CCSER1: variants seen among roughly 807,000 people sequenced by gnomAD.
CCSER1 encodes serine-rich coiled-coil domain-containing protein 1.
Under a neutral mutation model 82.0 loss-of-function variants are expected in CCSER1, and 41 were observed. The ratio of observed to expected loss-of-function variants is 0.50; its 90% confidence interval spans 0.39 to 0.65. The LOEUF is 0.65. Ranked by LOEUF, CCSER1 falls within the 30% of genes least tolerant of loss-of-function variation. The pLI is 0.00. For missense variants in CCSER1, 1,119 were observed against 1,064.2 expected (o/e 1.05, Z -0.72); for synonymous variants, 414 against 383.9 (o/e 1.08, Z -0.92).
intron 10 of CCSER1, among the ~76,000 whole-genome samples, chr4:91,352,806 C>T (rs1174206132): frequency 1.3e-5 from 2 of 152,218 alleles, no homozygotes; most frequent in East Asian, 1.9e-4. Flanking sequence ...GTGCCAAACA[C>T]TCTTCTGGCC....
chr4:90,250,364 AT>A, intron 1 of CCSER1, among the ~76,000 whole-genome samples: 1 of 152,058 alleles, frequency 6.6e-6, no homozygotes. Flanking sequence ...TAGCACTTAC[AT>A]TTGGGCTTAA....
intron 1 of CCSER1, among the ~76,000 whole-genome samples, chr4:90,267,950 A>G (rs1287432412): frequency 6.6e-6 from 1 of 152,232 alleles, no homozygotes; most frequent in Non-Finnish European, 1.5e-5. Flanking sequence ...ATCTGTCAGT[A>G]GACGCTTCCA....
At chr4:90,185,326 T>C (rs1734423861) in intron 1 of CCSER1, among the ~76,000 whole-genome samples, 1 of 152,048 alleles carries the variant, frequency 6.6e-6, no homozygotes, top group African/African-American at 2.4e-5. Context: ...ATAAAAGTTG[T>C]CATCACTCAT....
At chr4:90,959,733 G>A (rs1210586143) in intron 9 of CCSER1, among the ~76,000 whole-genome samples, 17 of 126,028 alleles carry the variant, frequency 1.3e-4, no homozygotes, top group African/African-American at 4.0e-4. Flanking sequence ...GTTCTGCCTC[G>A]GGTTTTCTTT....
intron 10 of CCSER1, among the ~76,000 whole-genome samples, chr4:91,330,496 T>C (rs939105963): frequency 3.1e-5 from 2 of 64,044 alleles, no homozygotes; most frequent in African/African-American, 1.9e-4. Flanking sequence ...TAATTTCTCT[T>C]ATTACCCCTC....
chr4:91,159,537 G>T (rs892169331), intron 10 of CCSER1, among the ~76,000 whole-genome samples: 2 of 151,822 alleles, frequency 1.3e-5, no homozygotes, highest in Non-Finnish European at 2.9e-5. Flanking sequence ...TATACATTAG[G>T]TATTATTGGA....
intron 10 of CCSER1, among the ~76,000 whole-genome samples, chr4:91,373,756 G>A (rs1186246355): frequency 1.3e-5 from 2 of 152,094 alleles, no homozygotes; most frequent in Admixed American, 6.6e-5. Flanking sequence ...AGTGAAGAAG[G>A]CACGTCAAAA....
chr4:90,244,664 T>C (rs890467301), intron 1 of CCSER1, among the ~76,000 whole-genome samples: 3 of 152,088 alleles, frequency 2.0e-5, no homozygotes, highest in Non-Finnish European at 2.9e-5. Context: ...AGCTGCCATT[T>C]ATAAAACCAT....
chr4:91,346,569 C>T (rs566622735), intron 10 of CCSER1, among the ~76,000 whole-genome samples: 2 of 152,248 alleles, frequency 1.3e-5, no homozygotes, highest in African/African-American at 4.8e-5. Flanking sequence ...GCAAAACTGT[C>T]TTCCAAAGTG....
chr4:90,992,137 A>G (rs999286597), intron 9 of CCSER1, among the ~76,000 whole-genome samples: 1 of 152,066 alleles, frequency 6.6e-6, no homozygotes, highest in Non-Finnish European at 1.5e-5. Flanking sequence ...GCAATCTATG[A>G]TAAAATTCTG....
intron 10 of CCSER1, among the ~76,000 whole-genome samples, chr4:91,491,494 T>A (rs1758539700): frequency 6.6e-6 from 1 of 151,958 alleles, no homozygotes; most frequent in African/African-American, 2.4e-5. Flanking sequence ...TGAAGAAAAA[T>A]TTACATGTAA....
intron 6 of CCSER1, among the ~76,000 whole-genome samples, chr4:90,657,608 C>T (rs149766369): frequency 2.2e-4 from 34 of 152,010 alleles, no homozygotes; most frequent in Admixed American, 1.9e-3. Flanking sequence ...TTTATCTGAC[C>T]TTCATTATGC....
At chr4:91,446,292 T>C (rs1293822052) in intron 10 of CCSER1, among the ~76,000 whole-genome samples, 1 of 152,120 alleles carries the variant, frequency 6.6e-6, no homozygotes, top group African/African-American at 2.4e-5. Context: ...ACATTGGTTA[T>C]AAGAAAACAA....
chr4:91,443,546 C>G (rs1755347215), intron 10 of CCSER1, among the ~76,000 whole-genome samples: 1 of 150,198 alleles, frequency 6.7e-6, no homozygotes, highest in African/African-American at 2.4e-5. Context: ...GGAGATATAC[C>G]TAATGCTAAA....
intron 5 of CCSER1, among the ~76,000 whole-genome samples, chr4:90,624,952 A>T (rs994579157): frequency 2.6e-5 from 4 of 152,188 alleles, no homozygotes; most frequent in African/African-American, 9.6e-5. Flanking sequence ...TGTTTGGAGT[A>T]GTTATGGTGA....
At chr4:91,150,402 A>G (rs1018841097) in intron 10 of CCSER1, among the ~76,000 whole-genome samples, 2 of 152,180 alleles carry the variant, frequency 1.3e-5, no homozygotes, top group South Asian at 2.1e-4. Context: ...GGTTTTCTAA[A>G]TATACAATCA....
At chr4:91,067,491 C>A (rs1379632566) in intron 9 of CCSER1, among the ~76,000 whole-genome samples, 2 of 151,946 alleles carry the variant, frequency 1.3e-5, no homozygotes, top group African/African-American at 4.8e-5. Context: ...GACTACAGGC[C>A]TGCCCTACCA....
chr4:91,135,653 C>A (rs1052878941), intron 10 of CCSER1, among the ~76,000 whole-genome samples: 3 of 152,066 alleles, frequency 2.0e-5, no homozygotes, highest in Non-Finnish European at 4.4e-5. Flanking sequence ...GACACCTACA[C>A]ATGCACACAC....
In CCSER1 at chr4:91,458,243, T is replaced by G. The variant is rs115139525; in HGVS notation, c.2218-140329T>G. On this transcript the variant is annotated intron_variant, in intron 10 of 10. Transcript: ENST00000509176. ...TGTCTAATTTTACCAGCACTACTTA[T>G]TAAAGAGACTCTTCCCCAATGTCCT... Among the ~76,000 whole-genome samples the G allele has an allele frequency of 6.2e-3, 937 of 152,262 alleles. 6 individuals carry two copies. Among genetic ancestry groups the G allele is most frequent in the African/African-American group, 0.019 (771 of 41,556 alleles).
Sources: allele counts gnomAD v4.1 joint callset (sites outside exome capture counted in the v4.1 genomes callset), GRCh38; gene constraint gnomAD v4.1.1; transcripts MANE v1.5; gene names NCBI Gene and HGNC (gene_info 2026-07-23, HGNC 2026-07-21).